BTBD16: variants seen among roughly 807,000 people sequenced by gnomAD.
The protein encoded by BTBD16 is BTB domain containing 16.
Under a neutral mutation model 67.4 loss-of-function variants are expected in BTBD16, and 66 were observed. The ratio of observed to expected loss-of-function variants is 0.98; its 90% CI spans 0.80 to 1.20. The LOEUF (loss-of-function observed/expected upper bound fraction) is 1.20. BTBD16 is among the 50% of genes most tolerant of loss of function. BTBD16 has a pLI of 0.00. For synonymous variants in BTBD16, 242 were observed against 236.4 expected (o/e 1.02, Z -0.22); for missense variants, 634 against 616.0 (o/e 1.03, Z -0.31).
chr10:122,277,030 G>A, intron 3 of BTBD16, 91 bp downstream of exon 3: 1 of 1,453,760 alleles, frequency 6.9e-7, no homozygotes, highest in Non-Finnish European at 9.3e-7. Context: ...ATTGGCTGCA[G>A]TGGCTGTCAA....
chr10:122,294,258 T>A, intron 7 of BTBD16: 4 of 971,642 alleles, frequency 4.1e-6, no homozygotes, highest in Non-Finnish European at 4.9e-6. Context: ...GTAACGGAAG[T>A]GCCCCAGGTC....
intron 10 of BTBD16, among the ~76,000 whole-genome samples, chr10:122,316,104 T>C (rs568368958): frequency 6.6e-6 from 1 of 152,128 alleles, no homozygotes; most frequent in Non-Finnish European, 1.5e-5. Context: ...CCTTCTCTAC[T>C]AAAAATACAA....
Position 122,328,783 on chromosome 10 carries a change from C to T in BTBD16, c.912-697C>T, listed in dbSNP as rs117238393. On this transcript the variant is annotated intron_variant, in intron 10 of 15. Coordinates refer to ENST00000260723, the MANE Select transcript of BTBD16 (RefSeq NM_144587.5). ...TATTTCAAAAGAAGGGCAGGGAATG[C>T]GTGTCTGTGTGTGCGTGTCTTCTCA... is the stretch of plus-strand genomic sequence containing the variant. 2.9e-4 allele frequency: 285 copies of T among 985,336 alleles called. 4 individuals carry two copies. The East Asian group carries it at 0.012, about 43-fold the overall frequency. 61.0% of individuals were successfully genotyped at this position (985,336 alleles called of 1,614,324 possible).
intron 9 of BTBD16, among the ~76,000 whole-genome samples, chr10:122,300,476 T>C (rs2096391921): frequency 6.6e-6 from 1 of 152,170 alleles, no homozygotes; most frequent in Non-Finnish European, 1.5e-5. Flanking sequence ...TGTATCTACA[T>C]ATACACTTGT....
At chr10:122,290,990 C>T in intron 6 of BTBD16, 90 bp from the exon 7 acceptor site, 1 of 1,411,346 alleles carries the variant, frequency 7.1e-7, no homozygotes, top group Non-Finnish European at 9.3e-7. Flanking sequence ...GCACCTCTGC[C>T]TGCCCAGCTG....
intron 9 of BTBD16, among the ~76,000 whole-genome samples, chr10:122,304,201 G>A (rs1446845436): frequency 6.6e-6 from 1 of 152,192 alleles, no homozygotes; most frequent in African/African-American, 2.4e-5. Context: ...GGTCCTGTCT[G>A]GCCAGAGTCA....
intron 7 of BTBD16, 167 bp downstream of exon 7, chr10:122,291,361 C>CCTGTTAGTGTG: frequency 1.2e-6 from 1 of 820,302 alleles, no homozygotes; most frequent in Non-Finnish European, 1.8e-6. Context: ...CACTAATTCA[C>CCTGTTAGTGTG]ACTAACAGGT....
chr10:122,306,212 G>C (rs1256580431), intron 9 of BTBD16, among the ~76,000 whole-genome samples: 3 of 152,170 alleles, frequency 2.0e-5, no homozygotes, highest in African/African-American at 7.2e-5. Context: ...AAGGAATGTG[G>C]GTGGCTTCTA....
chr10:122,295,586 T>A, intron 7 of BTBD16: 1 of 959,730 alleles, frequency 1.0e-6, no homozygotes, highest in Non-Finnish European at 1.2e-6. Flanking sequence ...GTTGAGAGGC[T>A]ATGCAGAGGC....
rs186422159 is a variant in BTBD16, at chr10:122,316,361, T to C, written c.911+9053T>C. On this transcript the variant is annotated intron_variant, in intron 10 of 15. Transcript: ENST00000260723. The stretch of plus-strand genomic sequence containing the variant: ...TGGTGGGCAAACACAGATCTGCTTC[T>C]ATCACTCTAGATTTGTTTGCATTTT... Among the ~76,000 whole-genome samples the C allele has an allele frequency of 6.6e-5, 10 of 152,330 alleles. No individual in the cohort carries two copies. In the East Asian group the frequency reaches 1.5e-3, roughly 24 times the overall value.
intron 7 of BTBD16, among the ~76,000 whole-genome samples, chr10:122,295,775 A>G (rs1817540667): frequency 6.6e-6 from 1 of 152,170 alleles, no homozygotes; most frequent in Non-Finnish European, 1.5e-5. Flanking sequence ...CCCAGTACTC[A>G]AGACAACTCC....
chr10:122,291,233 G>C, intron 7 of BTBD16, 39 bp downstream of exon 7: 1 of 1,586,024 alleles, frequency 6.3e-7, no homozygotes, highest in African/African-American at 1.3e-5. Flanking sequence ...GGCCGGGCCT[G>C]GGGGAAATCG....
At chr10:122,322,388 G>T (rs2096437157) in intron 10 of BTBD16, among the ~76,000 whole-genome samples, 1 of 152,098 alleles carries the variant, frequency 6.6e-6, no homozygotes, top group South Asian at 2.1e-4. Context: ...AGGAGTGGGG[G>T]TGGCTTTATC....
At chr10:122,293,835 G>A (rs2096378367) in intron 7 of BTBD16, among the ~76,000 whole-genome samples, 1 of 152,162 alleles carries the variant, frequency 6.6e-6, no homozygotes, top group South Asian at 2.1e-4. Flanking sequence ...TTGAAGTGGG[G>A]CCTCTGGCCA....
chr10:122,312,309 C>CTTTTTTTTTTTTTTTTTT (rs58045019), intron 10 of BTBD16, among the ~76,000 whole-genome samples: 42 of 105,618 alleles, frequency 4.0e-4, no homozygotes, highest in Non-Finnish European at 7.0e-4. Context: ...TTTTCTTTTT[C>CTTTTTTTTTTTTTTTTTT]TTTTTTTTTT....
chr10:122,322,611 G>A (rs149644957), intron 10 of BTBD16, among the ~76,000 whole-genome samples: 79 of 152,308 alleles, frequency 5.2e-4, no homozygotes, highest in African/African-American at 1.8e-3. Flanking sequence ...GATGTGAGAA[G>A]CAGCCCATTG....
At chr10:122,324,721 G>A (rs538826511) in intron 10 of BTBD16, among the ~76,000 whole-genome samples, 2 of 152,144 alleles carry the variant, frequency 1.3e-5, no homozygotes, top group African/African-American at 2.4e-5. Flanking sequence ...GAGAGGTGAT[G>A]ACTCTGCTCC....
At position 122,286,146 on chromosome 10, in the gene BTBD16, C is replaced by G. The variant is rs371369037; in HGVS notation, c.283C>G (p.Gln95Glu). Residue 95 changes from glutamine (Q) to glutamate (E), a missense_variant, in exon 5 of 16, where the codon CAG becomes GAG. Gln to Glu is a conservative substitution (Grantham distance 29, BLOSUM62 2). Transcript: ENST00000260723. ...CCTGGGCTTCAAATGGGAGCTCCAT[C>G]AGCCCCAGCTTTTTCAGTCTGAGAC... Reference protein sequence around the residue: ...ECLGFKWELHQPQLFQSETLA... With the variant: ...ECLGFKWELHEPQLFQSETLA... 6.2e-6 allele frequency: 10 copies of G among 1,613,816 alleles called. No individual in the cohort carries two copies. Among genetic ancestry groups the G allele is most frequent in the Non-Finnish European group, 8.5e-6 (10 of 1,179,862 alleles).
In BTBD16 at chr10:122,307,128, A is replaced by C. The variant is rs2096404952; in HGVS notation, c.792-61A>C. The C allele has an allele frequency of 4.6e-6, 7 of 1,538,048 alleles. No homozygotes were observed. In the South Asian group the frequency reaches 9.2e-5, roughly 20 times the overall value. On this transcript the variant is annotated intron_variant, in intron 9 of 15. Transcript: ENST00000260723. ...CCAAACTCATTCTAACCAGCTTCTT[A>C]CAAGCAGCGTGATTTTGTGCTATTT...
Sources: gnomAD v4.1 joint callset for allele counts (sites outside exome capture counted in the v4.1 genomes callset) on GRCh38, gnomAD v4.1.1 for gene constraint, MANE v1.5 for transcripts, NCBI Gene and HGNC (gene_info 2026-07-23, HGNC 2026-07-21) for gene names.